Variants in CDH8 observed in about 807,000 individuals in gnomAD.
The protein encoded by CDH8 is cadherin-8.
CDH8 carries 17 observed loss-of-function variants against 68.1 expected under a neutral mutation model. That is an observed-to-expected ratio of 0.25 (90% CI 0.17 to 0.37). The LOEUF (loss-of-function observed/expected upper bound fraction) is 0.37. Among genes scored for constraint, CDH8 ranks in the 10% least tolerant of loss-of-function variants. The pLI, the probability that CDH8 is intolerant of heterozygous loss-of-function variation, is 1.00. For synonymous variants in CDH8, 372 were observed against 365.1 expected (o/e 1.02, Z -0.21); for missense variants, 763 against 999.3 (o/e 0.76, Z 3.19).
chr16:61,835,106 G>A (rs1962540827), intron 4 of CDH8, among the ~76,000 whole-genome samples: 1 of 151,864 alleles, frequency 6.6e-6, no homozygotes, highest in Non-Finnish European at 1.5e-5. Flanking sequence ...ATATGATTCT[G>A]TTTGACAGGC....
At chr16:61,789,558 C>T (rs1030566880) in intron 7 of CDH8, 76 bp from the exon 8 acceptor site, 3 of 1,292,824 alleles carry the variant, frequency 2.3e-6, no homozygotes, top group Non-Finnish European at 3.1e-6. Flanking sequence ...CTTTAGTAAT[C>T]CTTGGAGAGC....
chr16:61,675,165 C>T (rs141588521), intron 10 of CDH8, among the ~76,000 whole-genome samples: 3,369 of 151,880 alleles, frequency 0.022, 68 homozygotes, highest in Non-Finnish European at 0.033. Flanking sequence ...AACAACAAAA[C>T]AAAAAGTGCC....
chr16:61,977,809 T>G (rs1965464590), intron 2 of CDH8, among the ~76,000 whole-genome samples: 1 of 152,144 alleles, frequency 6.6e-6, no homozygotes, highest in African/African-American at 2.4e-5. Context: ...AAATTGTATT[T>G]ATTAATTTCA....
At chr16:61,654,149 T>A in intron 11 of CDH8, 48 bp from the exon 12 acceptor site, 1 of 1,549,712 alleles carries the variant, frequency 6.5e-7, no homozygotes, top group Non-Finnish European at 8.8e-7. Flanking sequence ...GCATATAATT[T>A]CACAAGCAAC....
chr16:61,817,805 G>A lies in CDH8; in HGVS notation c.1024-73C>T, dbSNP rs1404415711. On this transcript the variant is annotated intron_variant, in intron 6 of 11. Coordinates refer to ENST00000577390, the MANE Select transcript of CDH8 (RefSeq NM_001796.5). ...AGCAAGAACAAATGAGTATAATGCT[G>A]ATGGATGAAAGTTATGTGCATTTAA... The A allele has an allele frequency of 2.1e-6, 3 of 1,431,556 alleles. No individual in the cohort carries two copies. The African/African-American group carries it at 4.3e-5, about 20-fold the overall frequency. The allele number at this position is 1,431,556 out of a possible 1,614,324, so 88.7% of individuals were successfully genotyped here. A position where few individuals can be genotyped will look rare whatever the true frequency, so the allele number is the denominator to read the frequency against.
chr16:61,719,128 ATTT>A (rs34234878), intron 9 of CDH8, among the ~76,000 whole-genome samples: 1 of 139,524 alleles, frequency 7.2e-6, no homozygotes, highest in Non-Finnish European at 1.6e-5. Flanking sequence ...TGAGCTCACC[ATTT>A]TTTTTTTTTT....
intron 2 of CDH8, among the ~76,000 whole-genome samples, chr16:62,019,954 G>A (rs1345688737): frequency 6.6e-6 from 1 of 152,130 alleles, no homozygotes; most frequent in Non-Finnish European, 1.5e-5. Flanking sequence ...TACGCCTCCT[G>A]TGTCTAATAG....
At chr16:61,923,389 A>C (rs1964404851) in intron 2 of CDH8, among the ~76,000 whole-genome samples, 1 of 152,160 alleles carries the variant, frequency 6.6e-6, no homozygotes, top group Non-Finnish European at 1.5e-5. Context: ...TTTAGTCCTC[A>C]GTGTCATCAC....
chr16:61,795,120 T>C (rs28655654), intron 7 of CDH8, among the ~76,000 whole-genome samples: 149,067 of 152,056 alleles, frequency 0.98, 73,090 homozygotes, highest in Middle Eastern at 1. Context: ...AAGGACAACA[T>C]TTCATTACAA....
intron 8 of CDH8, among the ~76,000 whole-genome samples, chr16:61,766,094 T>C (rs1960582465): frequency 6.6e-6 from 1 of 151,914 alleles, no homozygotes; most frequent in Non-Finnish European, 1.5e-5. Context: ...ATCACCCAAG[T>C]AGTGTACATT....
chr16:61,908,042 C>CAAA (rs547459147), intron 2 of CDH8, among the ~76,000 whole-genome samples: 15 of 91,556 alleles, frequency 1.6e-4, no homozygotes, highest in African/African-American at 5.4e-4. Context: ...GACTCAGTCT[C>CAAA]AAAAAAAAAA....
At chr16:61,794,318 G>A (rs1000114586) in intron 7 of CDH8, among the ~76,000 whole-genome samples, 2 of 151,906 alleles carry the variant, frequency 1.3e-5, no homozygotes, top group African/African-American at 4.8e-5. Context: ...CTGTTATCCT[G>A]AGTTCTCATC....
At chr16:62,034,552 C>T (rs994877323) in intron 1 of CDH8, among the ~76,000 whole-genome samples, 2 of 152,042 alleles carry the variant, frequency 1.3e-5, no homozygotes, top group African/African-American at 4.8e-5. Flanking sequence ...GCGATGGTAC[C>T]GGATGCGAGA....
Position 61,858,841 on chromosome 16 carries a change from G to A in CDH8, c.548-1603C>T, listed in dbSNP as rs569842218. On this transcript the variant is annotated intron_variant, in intron 3 of 11. Coordinates refer to ENST00000577390, the MANE Select transcript of CDH8 (RefSeq NM_001796.5). ...AGCATGCAAGATGCCCCCTGAGAACGGAGCCTTAGTCTTGGCCCAAGCAGC... is the reference window on the plus strand; with the variant it reads ...AGCATGCAAGATGCCCCCTGAGAACAGAGCCTTAGTCTTGGCCCAAGCAGC... Among the ~76,000 whole-genome samples, 21 of 152,192 alleles carry A rather than the reference G, an allele frequency of 1.4e-4. No individual in the cohort carries two copies. In the South Asian group the frequency reaches 2.3e-3, roughly 17 times the overall value.
intron 2 of CDH8, among the ~76,000 whole-genome samples, chr16:61,966,410 C>T (rs549571376): frequency 6.6e-5 from 10 of 152,030 alleles, no homozygotes; most frequent in African/African-American, 2.2e-4. Context: ...TGGTGGTGTT[C>T]GCCTGTAGTC....
chr16:61,755,337 T>C (rs1193974960), intron 8 of CDH8, among the ~76,000 whole-genome samples: 1 of 152,186 alleles, frequency 6.6e-6, no homozygotes, highest in East Asian at 1.9e-4. Context: ...ACTATGATTA[T>C]TAATATTTTG....
At chr16:61,877,519 G>T (rs1000286278) in intron 3 of CDH8, among the ~76,000 whole-genome samples, 1 of 152,100 alleles carries the variant, frequency 6.6e-6, no homozygotes, top group Non-Finnish European at 1.5e-5. Context: ...ACTTGAGACA[G>T]AAAAGAGAAT....
chr16:61,950,617 CT>C (rs1309379496), intron 2 of CDH8, among the ~76,000 whole-genome samples: 1 of 152,166 alleles, frequency 6.6e-6, no homozygotes, highest in Non-Finnish European at 1.5e-5. Context: ...AAAATATCTA[CT>C]TCATTTCTTA....
chr16:61,674,031 T>C (rs921687771), intron 10 of CDH8, among the ~76,000 whole-genome samples: 4 of 152,112 alleles, frequency 2.6e-5, no homozygotes, highest in Non-Finnish European at 5.9e-5. Flanking sequence ...ATGACTACTG[T>C]GACTATCATA....
Sources: allele counts gnomAD v4.1 joint callset (sites outside exome capture counted in the v4.1 genomes callset), GRCh38; gene constraint gnomAD v4.1.1; transcripts MANE v1.5; gene names NCBI Gene and HGNC (gene_info 2026-07-23, HGNC 2026-07-21).